MEGF11: variants seen among roughly 807,000 people sequenced by gnomAD.
MEGF11 encodes the protein multiple epidermal growth factor-like domains protein 11.
Under a neutral mutation model 146.6 loss-of-function variants are expected in MEGF11, and 126 were observed. The ratio of observed to expected loss-of-function variants is 0.86; its 90% CI spans 0.74 to 1.00. The LOEUF (loss-of-function observed/expected upper bound fraction) is 1.00. Among genes scored for constraint, MEGF11 ranks in the 50% least tolerant of loss-of-function variants. The pLI is 0.00. For missense variants in MEGF11, 1,509 were observed against 1,521.2 expected (o/e 0.99, Z 0.13); for synonymous variants, 532 against 583.4 (o/e 0.91, Z 1.27).
chr15:66,094,554 G>A (rs959349590), intron 4 of MEGF11, 60 bp from the exon 5 acceptor site: 1 of 1,408,508 alleles, frequency 7.1e-7, no homozygotes, highest in African/African-American at 1.4e-5. Flanking sequence ...CCAACCATCT[G>A]GTCAAGGAGC....
chr15:66,046,592 C>G (rs776881759), intron 5 of MEGF11, among the ~76,000 whole-genome samples: 1 of 152,206 alleles, frequency 6.6e-6, no homozygotes, highest in Non-Finnish European at 1.5e-5. Context: ...AGACTTCTCA[C>G]GCAGGCTTAG....
At chr15:66,182,940 T>C (rs1032261883) in intron 1 of MEGF11, among the ~76,000 whole-genome samples, 5 of 152,166 alleles carry the variant, frequency 3.3e-5, no homozygotes, top group Admixed American at 3.3e-4. Context: ...TAGCAGGCAG[T>C]GGAAACACAC....
intron 11 of MEGF11, among the ~76,000 whole-genome samples, chr15:65,930,198 C>A (rs1053669310): frequency 3.3e-5 from 5 of 152,144 alleles, no homozygotes; most frequent in Non-Finnish European, 1.5e-5. Context: ...ATCTCAGGAC[C>A]CTCTGTTTGA....
rs114167735 is a variant in MEGF11 at position 65,950,753 on chromosome 15, T to G, written c.1287+6794A>C. Among the ~76,000 whole-genome samples the G allele has an allele frequency of 3.2e-3, 495 of 152,334 alleles. 2 individuals carry two copies. The highest frequency in any genetic ancestry group is 0.012 in the African/African-American group (479 of 41,562). On this transcript the variant is annotated intron_variant, in intron 10 of 25. Transcript: ENST00000395614. Reference sequence around the variant, plus strand: ...TGGCACCAGAGTCTCTGCAAACCACTACACAAAATTTCATAAGGCAGAAGC... The same window carrying G: ...TGGCACCAGAGTCTCTGCAAACCACGACACAAAATTTCATAAGGCAGAAGC...
chr15:66,159,646 C>T (rs1458606848), intron 1 of MEGF11, among the ~76,000 whole-genome samples: 1 of 152,138 alleles, frequency 6.6e-6, no homozygotes, highest in African/African-American at 2.4e-5. Context: ...AGCATTGGTG[C>T]TAGAGGGGCC....
intron 1 of MEGF11, among the ~76,000 whole-genome samples, chr15:66,190,321 C>G (rs2090835310): frequency 6.6e-6 from 1 of 152,168 alleles, no homozygotes; most frequent in African/African-American, 2.4e-5. Flanking sequence ...GGGCTGGTCT[C>G]AAACTCCTGG....
intron 1 of MEGF11, among the ~76,000 whole-genome samples, chr15:66,143,346 C>T (rs564027797): frequency 6.6e-6 from 1 of 152,310 alleles, no homozygotes; most frequent in Admixed American, 6.5e-5. Flanking sequence ...CTAGGCCAGG[C>T]CGAGGCAGCC....
chr15:66,197,952 C>T (rs1160719935), intron 1 of MEGF11, among the ~76,000 whole-genome samples: 2 of 152,164 alleles, frequency 1.3e-5, no homozygotes, highest in Non-Finnish European at 2.9e-5. Flanking sequence ...AAGCTGGGCA[C>T]GCTGGTGCAT....
intron 1 of MEGF11, among the ~76,000 whole-genome samples, chr15:66,205,736 G>A (rs149042602): frequency 3.9e-5 from 6 of 152,226 alleles, no homozygotes; most frequent in African/African-American, 7.2e-5. Context: ...GTCAACAGAG[G>A]ACAAGCGGGG....
At chr15:66,155,068 G>A (rs1265810585) in intron 1 of MEGF11, among the ~76,000 whole-genome samples, 2 of 152,232 alleles carry the variant, frequency 1.3e-5, no homozygotes, top group Non-Finnish European at 2.9e-5. Flanking sequence ...TGTTGGCCAA[G>A]TCTTCAGTTG....
chr15:66,185,582 G>A (rs1376358000), intron 1 of MEGF11, among the ~76,000 whole-genome samples: 1 of 152,152 alleles, frequency 6.6e-6, no homozygotes, highest in Non-Finnish European at 1.5e-5. Context: ...CTGAGCATGT[G>A]AGTCCACCAA....
At chr15:66,242,495 G>A (rs2092230005) in intron 1 of MEGF11, among the ~76,000 whole-genome samples, 1 of 144,040 alleles carries the variant, frequency 6.9e-6, no homozygotes, top group South Asian at 2.3e-4. Context: ...GGGAGATAGG[G>A]AGGGAGGGAG....
intron 10 of MEGF11, among the ~76,000 whole-genome samples, chr15:65,952,678 T>A (rs2080450380): frequency 6.6e-6 from 1 of 152,006 alleles, no homozygotes; most frequent in African/African-American, 2.4e-5. Context: ...TTGTAAGCAC[T>A]CCCACTGGAA....
At chr15:65,922,516 C>T in intron 14 of MEGF11, 44 bp from the exon 15 acceptor site, 7 of 1,502,830 alleles carry the variant, frequency 4.7e-6, no homozygotes, top group Non-Finnish European at 6.2e-6. Context: ...CAAGAGACCC[C>T]AGCCAGCCTA....
intron 4 of MEGF11, among the ~76,000 whole-genome samples, chr15:66,114,729 G>C (rs2087632431): frequency 6.9e-6 from 1 of 144,268 alleles, no homozygotes; most frequent in African/African-American, 2.5e-5. Context: ...AGTGGGCCAG[G>C]ACTCCGCTGT....
At chr15:66,146,572 G>A (rs1404604007) in intron 1 of MEGF11, among the ~76,000 whole-genome samples, 2 of 152,232 alleles carry the variant, frequency 1.3e-5, no homozygotes, top group Non-Finnish European at 2.9e-5. Flanking sequence ...GACTCACCAC[G>A]CACGCCGACA....
chr15:66,152,956 G>A (rs567683830), intron 1 of MEGF11, among the ~76,000 whole-genome samples: 105 of 152,262 alleles, frequency 6.9e-4, no homozygotes, highest in Non-Finnish European at 1.1e-3. Context: ...CTGCCATGCC[G>A]GTCCCGCCTT....
chr15:66,005,085 G>A lies in MEGF11; in HGVS notation c.395-22597C>T, dbSNP rs560040075. 2.0e-5 allele frequency among the ~76,000 whole-genome samples: 3 copies of A among 152,234 alleles called. No individual in the cohort carries two copies. The South Asian group carries it at 6.2e-4, about 32-fold the overall frequency. On this transcript the variant is annotated intron_variant, in intron 5 of 25. Transcript: ENST00000395614. ...TGCTCTCCATCTGGGGCAACATAGG[G>A]AGACTCCATCTCTTAAAAAAGAAAA...
At chr15:65,914,503 A>C (rs147003760) in intron 19 of MEGF11, among the ~76,000 whole-genome samples, 121 of 152,216 alleles carry the variant, frequency 7.9e-4, no homozygotes, top group African/African-American at 2.9e-3. Flanking sequence ...ATAGACTGGC[A>C]AGGAAGGCTC....
Sources: gnomAD v4.1 joint callset for allele counts (sites outside exome capture counted in the v4.1 genomes callset) on GRCh38, gnomAD v4.1.1 for gene constraint, MANE v1.5 for transcripts, NCBI Gene and HGNC (gene_info 2026-07-23, HGNC 2026-07-21) for gene names.